The following TENM2 variants were observed in gnomAD, a reference collection of about 807,000 sequenced individuals.
The protein encoded by TENM2 is teneurin-2.
Under a neutral mutation model 245.2 loss-of-function variants are expected in TENM2, and 52 were observed. The observed-to-expected ratio is 0.21, with a 90% CI of 0.17 to 0.27. TENM2 has a LOEUF of 0.27. TENM2 is among the 10% of genes least tolerant of loss of function. The probability of loss-of-function intolerance (pLI) is 1.00; values close to 1 mark genes in which losing one functional copy is unlikely to be tolerated. For missense variants in TENM2, 3,046 were observed against 3,666.8 expected (o/e 0.83, Z 4.37); for synonymous variants, 1,363 against 1,438.9 (o/e 0.95, Z 1.19).
At chr5:167,839,553 CTG>C (rs748719441) in intron 2 of TENM2, among the ~76,000 whole-genome samples, 53 of 148,248 alleles carry the variant, frequency 3.6e-4, no homozygotes, top group Admixed American at 5.4e-4. Context: ...TGTGAGGTGT[CTG>C]TGTGTGTGTG....
the TENM2 span, among the ~76,000 whole-genome samples, chr5:167,029,984 C>A: frequency 6.6e-6 from 1 of 152,136 alleles, no homozygotes; most frequent in Non-Finnish European, 1.5e-5. Context: ...TTTCAAATAG[C>A]CACATGAGTA....
chr5:168,153,227 A>G (rs1581465143), intron 12 of TENM2, among the ~76,000 whole-genome samples: 1 of 152,146 alleles, frequency 6.6e-6, no homozygotes, highest in South Asian at 2.1e-4. Flanking sequence ...TTAAAAAAAA[A>G]GGAAAGAAAC....
intron 2 of TENM2, among the ~76,000 whole-genome samples, chr5:167,462,632 TCCCCAGC>T (rs1766389133): frequency 1.3e-5 from 2 of 151,994 alleles, no homozygotes; most frequent in African/African-American, 4.8e-5. Flanking sequence ...TCTCCAACTG[TCCCCAGC>T]AGAACTCCTC....
intron 13 of TENM2, among the ~76,000 whole-genome samples, chr5:168,182,923 C>T (rs377172110): frequency 2.6e-5 from 4 of 151,624 alleles, no homozygotes; most frequent in South Asian, 4.2e-4. Context: ...CTCCGCCTCC[C>T]GCGTTCAAGC....
chr5:168,228,109 C>T (rs902307058), exon 25 of TENM2: 9 of 1,611,012 alleles, frequency 5.6e-6, no homozygotes, highest in Non-Finnish European at 6.8e-6. Flanking sequence ...GCAAAGTCAC[C>T]ATCTTTGGCA....
intron 7 of TENM2, among the ~76,000 whole-genome samples, chr5:168,081,345 C>T (rs964652497): frequency 6.6e-6 from 1 of 152,082 alleles, no homozygotes; most frequent in Non-Finnish European, 1.5e-5. Context: ...TGGGATGGGT[C>T]TCCTGAATAC....
At chr5:167,203,983 A>T in the TENM2 span, among the ~76,000 whole-genome samples, 1 of 152,118 alleles carries the variant, frequency 6.6e-6, no homozygotes, top group Non-Finnish European at 1.5e-5. Context: ...GCAATGAGTT[A>T]TAAAGTCCAG....
chr5:167,328,364 G>T (rs2127785146), intron 1 of TENM2, among the ~76,000 whole-genome samples: 1 of 151,918 alleles, frequency 6.6e-6, no homozygotes. Flanking sequence ...GCACCACCAT[G>T]CCCAGCTAAT....
the TENM2 span, among the ~76,000 whole-genome samples, chr5:167,134,470 A>G: frequency 3.3e-5 from 5 of 152,244 alleles, no homozygotes; most frequent in Non-Finnish European, 5.9e-5. Flanking sequence ...CATTATTGGC[A>G]GTAGATTGTT....
the TENM2 span, among the ~76,000 whole-genome samples, chr5:167,257,199 A>G: frequency 6.6e-6 from 1 of 152,156 alleles, no homozygotes. Context: ...AAAAAAGAGA[A>G]TACAACTTTC....
At chr5:167,196,005 TG>T in the TENM2 span, among the ~76,000 whole-genome samples, 1 of 152,136 alleles carries the variant, frequency 6.6e-6, no homozygotes, top group East Asian at 1.9e-4. Context: ...TGTTTAATAC[TG>T]GGGATACATT....
chr5:167,410,452 A>G (rs1165719373), intron 2 of TENM2, among the ~76,000 whole-genome samples: 1 of 152,072 alleles, frequency 6.6e-6, no homozygotes, highest in African/African-American at 2.4e-5. Context: ...CAGCATCTTT[A>G]TCATATCTGC....
At chr5:168,088,147 A>C (rs1337472783) in intron 7 of TENM2, 4 of 152,140 alleles carry the variant, frequency 2.6e-5, no homozygotes, top group African/African-American at 9.7e-5. Context: ...ATGGCCCCAC[A>C]CAAGTAATCA....
upstream of TENM2, among the ~76,000 whole-genome samples, chr5:167,281,996 A>T (rs1386737459): frequency 3.6e-5 from 1 of 27,552 alleles, no homozygotes; most frequent in East Asian, 1.2e-3. Flanking sequence ...GCAAAACTCC[A>T]TCTCAAAAAA....
intron 3 of TENM2, among the ~76,000 whole-genome samples, chr5:167,951,587 T>C (rs556175722): frequency 6.6e-6 from 1 of 152,240 alleles, no homozygotes; most frequent in African/African-American, 2.4e-5. Flanking sequence ...TCTCCTTTGT[T>C]TTTCCTGCAA....
chr5:167,708,145 A>G (rs1758659767), intron 2 of TENM2, among the ~76,000 whole-genome samples: 1 of 152,162 alleles, frequency 6.6e-6, no homozygotes, highest in South Asian at 2.1e-4. Context: ...ATGTTGAGTT[A>G]AGAAGATTAT....
chr5:167,049,560 C>A, the TENM2 span, among the ~76,000 whole-genome samples: 1 of 152,040 alleles, frequency 6.6e-6, no homozygotes, highest in East Asian at 1.9e-4. Flanking sequence ...AAGTAAAAAT[C>A]TTTATATGAG....
intron 2 of TENM2, among the ~76,000 whole-genome samples, chr5:167,713,781 G>A (rs973857561): frequency 4.6e-5 from 7 of 152,152 alleles, no homozygotes; most frequent in African/African-American, 1.2e-4. Context: ...ACATACACAC[G>A]TAGACCTGAT....
chr5:167,705,097 C>T (rs1234180229), intron 2 of TENM2, among the ~76,000 whole-genome samples: 3 of 152,154 alleles, frequency 2.0e-5, no homozygotes, highest in Non-Finnish European at 4.4e-5. Flanking sequence ...CTGTGCTCTG[C>T]CTACCCCTGG....
Sources: allele counts gnomAD v4.1 joint callset (sites outside exome capture counted in the v4.1 genomes callset), GRCh38; gene constraint gnomAD v4.1.1; transcripts MANE v1.5; gene names NCBI Gene and HGNC (gene_info 2026-07-23, HGNC 2026-07-21).